The following GALNT3 variants were observed in gnomAD, a reference collection of about 807,000 sequenced individuals.
GALNT3 encodes GalNAc transferase 3.
Under a neutral mutation model 69.8 loss-of-function variants are expected in GALNT3, and 51 were observed. The ratio of observed to expected loss-of-function variants is 0.73; its 90% CI spans 0.58 to 0.92. GALNT3 has a LOEUF of 0.92. GALNT3 is among the 40% of genes least tolerant of loss of function. The pLI is 0.00. For missense variants in GALNT3, 711 were observed against 760.0 expected (o/e 0.94, Z 0.76); for synonymous variants, 265 against 248.5 (o/e 1.07, Z -0.63).
chr2:165,757,674 T>TA lies in GALNT3; in HGVS notation c.1192-428_1192-427insT, dbSNP rs553120058. 2.0e-3 allele frequency among the ~76,000 whole-genome samples: 310 copies of TA among 152,318 alleles called. 1 individual carries two copies. Among genetic ancestry groups the TA allele is most frequent in the African/African-American group, 7.2e-3 (300 of 41,574 alleles). On this transcript the variant is annotated intron_variant, in intron 6 of 10. Transcript: ENST00000392701. Reference sequence around the variant, plus strand: ...TGGATATAAGTGGACTCAGACCCTATTTATCTCTTGTATATTCAATTTTGT... The same window carrying TA: ...TGGATATAAGTGGACTCAGACCCTATATTATCTCTTGTATATTCAATTTTGT...
intron 4 of GALNT3, among the ~76,000 whole-genome samples, chr2:165,760,583 G>A (rs906415520): frequency 4.6e-5 from 7 of 152,084 alleles, no homozygotes; most frequent in African/African-American, 1.7e-4. Flanking sequence ...ACCAGAGGAT[G>A]GTATTTTCCT....
chr2:165,759,032 G>A (rs760370310), intron 5 of GALNT3, among the ~76,000 whole-genome samples, 168 bp from the exon 6 acceptor site: 30 of 152,024 alleles, frequency 2.0e-4, no homozygotes, highest in African/African-American at 4.8e-4. Flanking sequence ...TTTTGGGGTC[G>A]GGGGGAGTAC....
chr2:165,758,706 T>C (rs1234275642), intron 6 of GALNT3, 41 bp downstream of exon 6: 3 of 1,157,604 alleles, frequency 2.6e-6, no homozygotes, highest in Non-Finnish European at 1.3e-6. Flanking sequence ...ATATATTTCA[T>C]TGTTTAATAT....
In GALNT3 at chr2:165,754,968, C is replaced by A; in HGVS notation, c.1488G>T (p.Val496=). ...TAACAGGATTAAGGTCTGGCACATA[C>A]ACCTCTGGATAAATGTTGTTCAGAT... The part of the protein sequence containing the change: ...TWYLNNIYPE[V]YVPDLNPVIS... Residue 496 remains valine, a synonymous_variant, in exon 8 of 11, where the codon GTG becomes GTT. Transcript: ENST00000392701. 1 of 1,613,318 alleles carries A rather than the reference C, an allele frequency of 6.2e-7. No homozygotes were observed. Among genetic ancestry groups the A allele is most frequent in the Non-Finnish European group, 8.5e-7 (1 of 1,179,438 alleles).
Position 165,770,187 on chromosome 2 carries a change from C to A in GALNT3, c.514G>T (p.Glu172Ter). 6.2e-7 allele frequency: 1 copy of A among 1,614,112 alleles called. No individual in the cohort carries two copies. The highest frequency in any genetic ancestry group is 8.5e-7 in the Non-Finnish European group (1 of 1,180,000). Residue 172 changes from glutamate to a stop codon, truncating the protein, a stop_gained and splice_region_variant, in exon 2 of 11, where the codon GAA (glutamate) becomes TAA (stop). Coordinates refer to ENST00000392701, the MANE Select transcript of GALNT3 (RefSeq NM_004482.4). LOFTEE classifies it high-confidence loss of function. ...RDLGPDTRPP[E>*]CIEQKFKRCP... ...AACAATAAATATTCTTCAACATACTCAGGAGGTCGAGTGTCTGGTCCAAGA... is the reference window on the plus strand; with the variant it reads ...AACAATAAATATTCTTCAACATACTAAGGAGGTCGAGTGTCTGGTCCAAGA...
Position 165,764,971 on chromosome 2 carries a change from A to T in GALNT3, c.601T>A (p.Leu201Met), listed in dbSNP as rs764960531. The T allele has an allele frequency of 6.2e-7, 1 of 1,614,208 alleles. No homozygotes were observed. The change falls in exon 3 of 11, where the codon TTG becomes ATG. Residue 201 changes from leucine (L) to methionine (M), a missense_variant. Leu to Met is a conservative substitution (Grantham distance 15). Transcript: ENST00000392701. ...AGCACACTGTGGACAGTTCTAAGCAACGTGGACCACGCTTCATTATGAAAA... is the reference window on the plus strand; with the variant it reads ...AGCACACTGTGGACAGTTCTAAGCATCGTGGACCACGCTTCATTATGAAAA... ...IVFHNEAWST[L>M]LRTVHSVLYS...
At chr2:165,769,994 T>A in intron 2 of GALNT3, 192 bp downstream of exon 2, 7 of 677,358 alleles carry the variant, frequency 1.0e-5, no homozygotes, top group Non-Finnish European at 1.8e-5. Flanking sequence ...CTGCACTGCC[T>A]CACCAAGCAT....
intron 1 of GALNT3, among the ~76,000 whole-genome samples, chr2:165,777,412 T>C (rs940493305): frequency 1.3e-4 from 20 of 152,202 alleles, no homozygotes; most frequent in African/African-American, 4.6e-4. Flanking sequence ...TATTTCCTAA[T>C]TGAATTCAAA....
chr2:165,785,459 T>G (rs1683201215), intron 1 of GALNT3, among the ~76,000 whole-genome samples: 1 of 152,208 alleles, frequency 6.6e-6, no homozygotes, highest in Non-Finnish European at 1.5e-5. Flanking sequence ...AGATTTATCA[T>G]ATACCTCTCC....
At chr2:165,792,409 T>A (rs1683373464) in intron 1 of GALNT3, among the ~76,000 whole-genome samples, 1 of 152,162 alleles carries the variant, frequency 6.6e-6, no homozygotes, top group South Asian at 2.1e-4. Context: ...TAAACAGTAT[T>A]TAGCACATTT....
In GALNT3 at chr2:165,754,782, AT is replaced by A; in HGVS notation, c.1525-55del. 9 of 1,400,410 alleles carry A rather than the reference AT, an allele frequency of 6.4e-6. No individual in the cohort carries two copies. The South Asian group carries it at 9.0e-5, about 14-fold the overall frequency. The allele number at this position is 1,400,410 out of a possible 1,614,324, so 86.7% of individuals were successfully genotyped here. A position where few individuals can be genotyped will look rare whatever the true frequency, so the allele number is the denominator to read the frequency against. On this transcript the variant is annotated intron_variant, in intron 8 of 10. Coordinates refer to ENST00000392701, the MANE Select transcript of GALNT3 (RefSeq NM_004482.4). ...GTTTTTTAATCCATGTGATTTATAT[AT>A]TTTTAAAATAATTTAGAAAGTAATG...
At chr2:165,788,189 C>T (rs1574019745) in intron 1 of GALNT3, among the ~76,000 whole-genome samples, 1 of 151,896 alleles carries the variant, frequency 6.6e-6, no homozygotes, top group East Asian at 1.9e-4. Context: ...ATTAGCCAGG[C>T]ACCTGTAGTC....
At chr2:165,778,115 G>A (rs1266994444) in intron 1 of GALNT3, among the ~76,000 whole-genome samples, 1 of 152,176 alleles carries the variant, frequency 6.6e-6, no homozygotes, top group East Asian at 1.9e-4. Context: ...ACACAAACAA[G>A]TAATTATGAT....
chr2:165,772,562 G>A (rs938144922), intron 1 of GALNT3, among the ~76,000 whole-genome samples: 1 of 116,160 alleles, frequency 8.6e-6, no homozygotes, highest in African/African-American at 3.2e-5. Context: ...TCCAGCCTGG[G>A]TAGCAGGACA....
At chr2:165,749,607 CATA>C (rs1014675213) in intron 10 of GALNT3, 132 bp downstream of exon 10, 4 of 839,080 alleles carry the variant, frequency 4.8e-6, no homozygotes, top group Admixed American at 3.6e-5. Flanking sequence ...GGTAGAAACA[CATA>C]ATAACAAAGT....
intron 1 of GALNT3, chr2:165,771,158 C>T (rs1688746238): frequency 6.6e-6 from 1 of 152,286 alleles, no homozygotes; most frequent in Non-Finnish European, 1.5e-5. Context: ...CAAAGGACCT[C>T]ATTAAATAAA....
chr2:165,753,226 A>G (rs1474677518), intron 9 of GALNT3, among the ~76,000 whole-genome samples: 2 of 152,200 alleles, frequency 1.3e-5, no homozygotes, highest in African/African-American at 4.8e-5. Context: ...CCATTAAAAT[A>G]GGACATCATG....
Position 165,748,486 on chromosome 2 carries a change from C to T in GALNT3, c.*295G>A, listed in dbSNP as rs1307869145. 4.7e-6 allele frequency: 2 copies of T among 426,762 alleles called. No individual in the cohort carries two copies. Among genetic ancestry groups the T allele is most frequent in the Non-Finnish European group, 8.6e-6 (2 of 231,732 alleles). 26.4% of individuals were successfully genotyped at this position (426,762 alleles called of 1,614,324 possible). A position where few individuals can be genotyped will look rare whatever the true frequency, so the allele number is the denominator to read the frequency against. ...CTATATATATATATCCCTAAGTGTACAAAACACACAAACATCACTTTACTT... is the reference window on the plus strand; with the variant it reads ...CTATATATATATATCCCTAAGTGTATAAAACACACAAACATCACTTTACTT... On this transcript the variant is annotated 3_prime_UTR_variant, in exon 11 of 11. Transcript: ENST00000392701.
chr2:165,794,112 G>C lies in GALNT3; in HGVS notation c.-206C>G, dbSNP rs956317717. 3 of 152,530 alleles carry C rather than the reference G, an allele frequency of 2.0e-5. No homozygotes were observed. The highest frequency in any genetic ancestry group is 2.9e-5 in the Non-Finnish European group (2 of 68,298). 9.4% of individuals were successfully genotyped at this position (152,530 alleles called of 1,614,324 possible). A position where few individuals can be genotyped will look rare whatever the true frequency, so the allele number is the denominator to read the frequency against. ...TGCAGGTGGCGGCGGCTGCGACTCC[G>C]GTTGCTGTCGCCACAGTTGCGGCTC... On this transcript the variant is annotated 5_prime_UTR_variant, in exon 1 of 11. Coordinates refer to ENST00000392701, the MANE Select transcript of GALNT3 (RefSeq NM_004482.4).
Sources: allele counts gnomAD v4.1 joint callset (sites outside exome capture counted in the v4.1 genomes callset), GRCh38; gene constraint gnomAD v4.1.1; transcripts MANE v1.5; gene names NCBI Gene and HGNC (gene_info 2026-07-23, HGNC 2026-07-21).